The following OR51B5 variants were observed in gnomAD, a reference collection of about 807,000 sequenced individuals.
The protein encoded by OR51B5 is olfactory receptor 51B5.
For missense variants in OR51B5, 456 were observed against 374.6 expected (o/e 1.22, Z -1.79); for synonymous variants, 186 against 144.8 (o/e 1.28, Z -2.04).
chr11:5,379,097 T>C (rs1290234103), intron 1 of OR51B5, among the ~76,000 whole-genome samples: 5 of 151,090 alleles, frequency 3.3e-5, no homozygotes, highest in Non-Finnish European at 7.4e-5. Flanking sequence ...ATTAAGAAAA[T>C]GTGGCACATA....
At chr11:5,368,545 T>C (rs924781315) in intron 1 of OR51B5, among the ~76,000 whole-genome samples, 5 of 152,200 alleles carry the variant, frequency 3.3e-5, no homozygotes, top group African/African-American at 9.6e-5. Context: ...TCTGTCTAGC[T>C]CTGACAAAGA....
chr11:5,426,854 C>T (rs1327871736), intron 1 of OR51B5, among the ~76,000 whole-genome samples: 1 of 152,146 alleles, frequency 6.6e-6, no homozygotes, highest in African/African-American at 2.4e-5. Flanking sequence ...GGACTCTTAC[C>T]AAATAACCAG....
At chr11:5,423,498 G>C (rs1469261533) in intron 1 of OR51B5, among the ~76,000 whole-genome samples, 1 of 152,134 alleles carries the variant, frequency 6.6e-6, no homozygotes, top group East Asian at 1.9e-4. Context: ...AAGTTTAAAG[G>C]AAATCCTGTT....
chr11:5,348,455 C>T (rs1345931532), upstream of OR51B5, among the ~76,000 whole-genome samples: 1 of 152,042 alleles, frequency 6.6e-6, no homozygotes, highest in Non-Finnish European at 1.5e-5. Flanking sequence ...GGAGGTATAC[C>T]TCTGTAATCA....
rs79459967 is a variant in OR51B5, at chr11:5,461,650, A to C, written n.84+43919T>G. On this transcript the variant is annotated intron_variant and non_coding_transcript_variant, in intron 1 of 4. Coordinates refer to the OR51B5 transcript ENST00000415970. ...ACCCCTTGGGCCTTGCACAGACTGG[A>C]GTTCTGTCTCTGTCAACTCTCTGGG... Among the ~76,000 whole-genome samples, 1,465 of 152,252 alleles carry C rather than the reference A, an allele frequency of 9.6e-3. 29 individuals carry two copies. The highest frequency in any genetic ancestry group is 0.034 in the African/African-American group (1,408 of 41,534).
At chr11:5,407,955 A>T (rs188841783) in intron 1 of OR51B5, among the ~76,000 whole-genome samples, 24 of 152,248 alleles carry the variant, frequency 1.6e-4, no homozygotes, top group Admixed American at 1.2e-3. Context: ...AAGATTTGAG[A>T]GAATATATTT....
chr11:5,435,313 G>C (rs1207356776), intron 1 of OR51B5, among the ~76,000 whole-genome samples: 1 of 152,186 alleles, frequency 6.6e-6, no homozygotes, highest in Non-Finnish European at 1.5e-5. Context: ...CTACATTATA[G>C]ATAATGTTGC....
intron 1 of OR51B5, among the ~76,000 whole-genome samples, chr11:5,493,026 T>C (rs1354484283): frequency 6.6e-6 from 1 of 152,204 alleles, no homozygotes; most frequent in Non-Finnish European, 1.5e-5. Context: ...GATCCACCGT[T>C]GAAAAATCCT....
rs534414798 is a variant in OR51B5, at chr11:5,397,444, G to A, written n.85-50534C>T. On this transcript the variant is annotated intron_variant and non_coding_transcript_variant, in intron 1 of 4. Coordinates refer to the OR51B5 transcript ENST00000415970. The stretch of plus-strand genomic sequence containing the variant: ...ACATTTATGCAGCCAAAAGACACAT[G>A]AAAAAATGCTCATCATCACTGGCCA... 4.9e-4 allele frequency among the ~76,000 whole-genome samples: 75 copies of A among 152,046 alleles called. 2 individuals carry two copies. In the East Asian group the frequency reaches 0.014, roughly 28 times the overall value.
At chr11:5,360,425 T>A (rs1849264406) in intron 1 of OR51B5, among the ~76,000 whole-genome samples, 1 of 150,936 alleles carries the variant, frequency 6.6e-6, no homozygotes, top group African/African-American at 2.4e-5. Context: ...GAAATACAAA[T>A]CAAAACCACA....
chr11:5,450,903 T>C (rs558827024), intron 1 of OR51B5, among the ~76,000 whole-genome samples: 4 of 152,008 alleles, frequency 2.6e-5, no homozygotes, highest in Non-Finnish European at 5.9e-5. Flanking sequence ...ATGACCTGCA[T>C]GCTCTGCACA....
At chr11:5,411,623 G>A (rs1394415715) in intron 1 of OR51B5, among the ~76,000 whole-genome samples, 1 of 152,100 alleles carries the variant, frequency 6.6e-6, no homozygotes, top group Non-Finnish European at 1.5e-5. Context: ...CCTAATCCCT[G>A]GAACTTCTGA....
chr11:5,422,762 C>T (rs111420940), intron 1 of OR51B5: 53 of 1,614,122 alleles, frequency 3.3e-5, no homozygotes, highest in South Asian at 2.3e-4. Flanking sequence ...GGATATGATC[C>T]GCCTGGTCTG....
At chr11:5,498,342 C>T (rs1851680047) in intron 1 of OR51B5, among the ~76,000 whole-genome samples, 3 of 152,170 alleles carry the variant, frequency 2.0e-5, no homozygotes, top group Non-Finnish European at 4.4e-5. Context: ...AATGTTGCTG[C>T]TTTCCATCCA....
At position 5,472,429 on chromosome 11, in the gene OR51B5, T is replaced by C. The variant is rs796404739; in HGVS notation, n.84+33140A>G. 2.0e-5 allele frequency among the ~76,000 whole-genome samples: 3 copies of C among 151,898 alleles called. No individual in the cohort carries two copies. In the South Asian group the frequency reaches 6.2e-4, roughly 32 times the overall value. ...TGGGAGGAGAGAGGCTGGTGAAGTG[T>C]CCACTGAAGGGAGAAATACCAAGTA... On this transcript the variant is annotated intron_variant and non_coding_transcript_variant, in intron 1 of 4. Coordinates refer to the OR51B5 transcript ENST00000415970.
intron 1 of OR51B5, among the ~76,000 whole-genome samples, chr11:5,402,212 G>A (rs541740461): frequency 3.3e-5 from 5 of 151,902 alleles, no homozygotes; most frequent in African/African-American, 1.2e-4. Flanking sequence ...ACAGAGTTTC[G>A]CCATGTTGCC....
intron 1 of OR51B5, among the ~76,000 whole-genome samples, chr11:5,376,716 T>C (rs140697433): frequency 0.27 from 40,434 of 150,824 alleles, 5,684 homozygotes; most frequent in African/African-American, 0.32. Flanking sequence ...CTAGAAGAAA[T>C]GGATAAATTC....
intron 1 of OR51B5, among the ~76,000 whole-genome samples, chr11:5,420,816 TCA>T (rs1462736115): frequency 6.6e-6 from 1 of 152,216 alleles, no homozygotes; most frequent in African/African-American, 2.4e-5. Context: ...TTTTTCTAAT[TCA>T]GTTTTGATTT....
intron 1 of OR51B5, among the ~76,000 whole-genome samples, chr11:5,379,143 G>A (rs1849572392): frequency 6.6e-6 from 1 of 151,834 alleles, no homozygotes; most frequent in Non-Finnish European, 1.5e-5. Context: ...TAAAAATGAT[G>A]AGTTCATGTC....
Sources: gnomAD v4.1 joint callset for allele counts (sites outside exome capture counted in the v4.1 genomes callset) on GRCh38, gnomAD v4.1.1 for gene constraint, MANE v1.5 for transcripts, NCBI Gene and HGNC (gene_info 2026-07-23, HGNC 2026-07-21) for gene names.